The following FRAS1 variants were observed in gnomAD, a reference collection of about 807,000 sequenced individuals.
The protein encoded by FRAS1 is Fraser extracellular matrix complex subunit 1, also known as extracellular matrix organizing protein FRAS1.
Under a neutral mutation model 435.2 loss-of-function variants are expected in FRAS1, and 290 were observed. The ratio of observed to expected loss-of-function variants is 0.67; its 90% CI spans 0.61 to 0.73. The LOEUF is 0.73. Among genes scored for constraint, FRAS1 ranks in the 30% least tolerant of loss-of-function variants. The pLI is 0.00. For synonymous variants in FRAS1, 1,800 were observed against 1,851.0 expected (o/e 0.97, Z 0.71); for missense variants, 4,860 against 5,001.5 (o/e 0.97, Z 0.85).
intron 18 of FRAS1, among the ~76,000 whole-genome samples, chr4:78,327,302 G>A (rs72866337): frequency 0.01 from 1,567 of 152,226 alleles, 17 homozygotes; most frequent in African/African-American, 0.034. Flanking sequence ...CCGTACTCCC[G>A]TTGTGAGTCT....
At chr4:78,363,480 C>T (rs553131648) in intron 20 of FRAS1, 33 bp from the exon 21 acceptor site, 47 of 1,583,292 alleles carry the variant, frequency 3.0e-5, no homozygotes, top group East Asian at 2.5e-4. Flanking sequence ...CATGAGCACC[C>T]GTGCCTTCTC....
chr4:78,230,874 C>A lies in FRAS1; in HGVS notation c.109-6636C>A, dbSNP rs899792034. Among the ~76,000 whole-genome samples the A allele has an allele frequency of 6.6e-5, 10 of 152,312 alleles. No homozygotes were observed. In the East Asian group the frequency reaches 1.4e-3, roughly 21 times the overall value. On this transcript the variant is annotated intron_variant, in intron 2 of 73. Transcript: ENST00000512123. ...TTCCCTCCCCCATGACATTTCAACT[C>A]TGTAGTCCAGGGTCTATCTACATAT...
intron 54 of FRAS1, among the ~76,000 whole-genome samples, chr4:78,477,128 A>G (rs1719875710): frequency 6.6e-6 from 1 of 152,196 alleles, no homozygotes; most frequent in Non-Finnish European, 1.5e-5. Context: ...CAAAATATCA[A>G]GTTAAAATTA....
At chr4:78,273,182 G>A (rs1479760742) in intron 9 of FRAS1, among the ~76,000 whole-genome samples, 4 of 152,194 alleles carry the variant, frequency 2.6e-5, no homozygotes, top group Non-Finnish European at 5.9e-5. Context: ...AGACTTTGCT[G>A]AATTTGCTTA....
At chr4:78,317,862 T>G (rs1298733490) in intron 17 of FRAS1, among the ~76,000 whole-genome samples, 1 of 152,250 alleles carries the variant, frequency 6.6e-6, no homozygotes, top group African/African-American at 2.4e-5. Context: ...AATTTCTTTT[T>G]GGTAATGACA....
At chr4:78,112,666 A>G (rs1049198983) in intron 2 of FRAS1, among the ~76,000 whole-genome samples, 2 of 152,166 alleles carry the variant, frequency 1.3e-5, no homozygotes, top group Admixed American at 1.3e-4. Flanking sequence ...TAGTGCAGTT[A>G]TGAAATGGCC....
chr4:78,131,119 G>A (rs1455289684), intron 2 of FRAS1, among the ~76,000 whole-genome samples: 3 of 151,992 alleles, frequency 2.0e-5, no homozygotes, highest in South Asian at 2.1e-4. Flanking sequence ...TGCTTTCATT[G>A]TGCCTTGGGG....
chr4:78,267,118 C>A (rs922839521), intron 8 of FRAS1, 123 bp from the exon 9 acceptor site: 3 of 1,026,298 alleles, frequency 2.9e-6, no homozygotes, highest in South Asian at 1.5e-5. Flanking sequence ...CCCTGCCCAT[C>A]GTGGGTCGGG....
Position 78,337,804 on chromosome 4 carries a change from G to A in FRAS1, c.2409G>A (p.Val803=), listed in dbSNP as rs563056390. The change falls in exon 20 of 74, where the codon GTG becomes GTA. Residue 803 remains valine (V), a synonymous_variant. Transcript: ENST00000512123. ...SCREEQFLNL[V]GYCADCHHLC... is the part of the protein sequence containing the mutation. ...GGGAAGAGCAGTTCCTCAACCTCGTGGGATACTGTGCTGGTGAGTGAAACT... is the reference window on the plus strand; with the variant it reads ...GGGAAGAGCAGTTCCTCAACCTCGTAGGATACTGTGCTGGTGAGTGAAACT... The A allele has an allele frequency of 3.1e-6, 5 of 1,613,862 alleles. No individual in the cohort carries two copies. The South Asian group carries it at 4.4e-5, about 14-fold the overall frequency.
chr4:78,461,565 C>A (rs1183533118), intron 47 of FRAS1, among the ~76,000 whole-genome samples: 1 of 152,154 alleles, frequency 6.6e-6, no homozygotes, highest in African/African-American at 2.4e-5. Flanking sequence ...TGTGTTCCAT[C>A]CATAGTAGGT....
chr4:78,453,939 G>A (rs1307183437), intron 47 of FRAS1, among the ~76,000 whole-genome samples: 5 of 152,082 alleles, frequency 3.3e-5, no homozygotes, highest in African/African-American at 1.2e-4. Flanking sequence ...CCAGGCAAAT[G>A]GAAAAATGGG....
intron 2 of FRAS1, among the ~76,000 whole-genome samples, chr4:78,072,304 T>C (rs1740399197): frequency 6.6e-6 from 1 of 152,176 alleles, no homozygotes; most frequent in African/African-American, 2.4e-5. Context: ...AAAATTGGTG[T>C]GCTATAGTGT....
chr4:78,330,346 A>G (rs1202505417), intron 18 of FRAS1, among the ~76,000 whole-genome samples: 1 of 152,212 alleles, frequency 6.6e-6, no homozygotes, highest in African/African-American at 2.4e-5. Flanking sequence ...TAATAATTGC[A>G]TTAACTGCAC....
intron 6 of FRAS1, among the ~76,000 whole-genome samples, chr4:78,258,247 G>A (rs1725882373): frequency 6.6e-6 from 1 of 151,800 alleles, no homozygotes; most frequent in Non-Finnish European, 1.5e-5. Context: ...AGGCTGAGGT[G>A]GGAGGATCTC....
intron 30 of FRAS1, 88 bp from the exon 31 acceptor site, chr4:78,407,575 T>TA (rs34880017): frequency 0.31 from 288,092 of 932,126 alleles, 25,728 homozygotes; most frequent in Admixed American, 0.34. Flanking sequence ...TCTTTCTAGT[T>TA]AAAAAAAAAA....
At chr4:78,242,199 G>C (rs180939598) in intron 3 of FRAS1, among the ~76,000 whole-genome samples, 1 of 152,284 alleles carries the variant, frequency 6.6e-6, no homozygotes, top group East Asian at 1.9e-4. Context: ...TCCTCAGTCT[G>C]TAAATAAAGA....
At chr4:78,412,548 A>G (rs528781378) in intron 31 of FRAS1, among the ~76,000 whole-genome samples, 5 of 152,250 alleles carry the variant, frequency 3.3e-5, no homozygotes, top group Non-Finnish European at 7.3e-5. Context: ...TACTCATAAT[A>G]AGACATTATA....
chr4:78,154,918 C>T (rs1233190135), intron 2 of FRAS1, among the ~76,000 whole-genome samples: 1 of 152,198 alleles, frequency 6.6e-6, no homozygotes, highest in Admixed American at 6.5e-5. Context: ...TGGTCTCCTG[C>T]ACTTCCTTCT....
chr4:78,093,593 A>G (rs2109903574), intron 2 of FRAS1, among the ~76,000 whole-genome samples: 1 of 152,378 alleles, frequency 6.6e-6, no homozygotes, highest in South Asian at 2.1e-4. Context: ...CTGAACTACC[A>G]GATCTGATAT....
Sources: allele counts gnomAD v4.1 joint callset (sites outside exome capture counted in the v4.1 genomes callset), GRCh38; gene constraint gnomAD v4.1.1; transcripts MANE v1.5; gene names NCBI Gene and HGNC (gene_info 2026-07-23, HGNC 2026-07-21).